RBFOX1: variants seen among roughly 807,000 people sequenced by gnomAD.
RBFOX1 encodes the protein RNA binding fox-1 homolog 1.
RBFOX1 carries 8 observed loss-of-function variants against 57.7 expected under a neutral mutation model. The observed-to-expected ratio is 0.14, with a 90% CI of 0.08 to 0.25. The LOEUF is 0.25. Among genes scored for constraint, RBFOX1 ranks in the 10% least tolerant of loss-of-function variants. The probability of loss-of-function intolerance (pLI) is 1.00; values close to 1 mark genes in which losing one functional copy is unlikely to be tolerated. For missense variants in RBFOX1, 611 were observed against 548.5 expected, an observed-to-expected ratio of 1.11 and a Z score of -1.14; for synonymous variants, 326 against 222.4, an observed-to-expected ratio of 1.47 and a Z score of -4.15.
intron 4 of RBFOX1, among the ~76,000 whole-genome samples, chr16:5,989,987 C>G (rs1443471346): frequency 1.3e-5 from 2 of 151,906 alleles, no homozygotes; most frequent in Non-Finnish European, 2.9e-5. Context: ...CTCCTCACAC[C>G]AGCCTTTTTG....
intron 4 of RBFOX1, among the ~76,000 whole-genome samples, chr16:7,178,177 C>G (rs535178125): frequency 7.9e-5 from 12 of 152,352 alleles, no homozygotes; most frequent in African/African-American, 2.9e-4. Flanking sequence ...CTTGCTCATG[C>G]AAAGCCCACC....
intron 1 of RBFOX1, among the ~76,000 whole-genome samples, chr16:5,265,605 G>T (rs1567253555): frequency 6.6e-6 from 1 of 152,188 alleles, no homozygotes; most frequent in Non-Finnish European, 1.5e-5. Flanking sequence ...TAGCTCAGGA[G>T]GTAGAGCTTG....
chr16:6,782,562 C>G (rs118130248), intron 3 of RBFOX1, among the ~76,000 whole-genome samples: 139 of 152,002 alleles, frequency 9.1e-4, no homozygotes, highest in Middle Eastern at 3.4e-3. Context: ...TTATTGATTT[C>G]TAGTTTCATT....
intron 4 of RBFOX1, among the ~76,000 whole-genome samples, chr16:5,936,443 T>C (rs568079187): frequency 6.6e-6 from 1 of 152,184 alleles, no homozygotes; most frequent in Admixed American, 6.5e-5. Context: ...GAATTTTGTT[T>C]GGAAAAATAG....
At chr16:7,398,310 T>C (rs2098176512) in intron 4 of RBFOX1, among the ~76,000 whole-genome samples, 1 of 152,240 alleles carries the variant, frequency 6.6e-6, no homozygotes, top group African/African-American at 2.4e-5. Context: ...TGCTTAAGTT[T>C]GCTGGACCTC....
chr16:5,386,540 T>A (rs942726323), intron 1 of RBFOX1, among the ~76,000 whole-genome samples: 11 of 152,162 alleles, frequency 7.2e-5, no homozygotes, highest in Non-Finnish European at 1.5e-4. Flanking sequence ...ACTCTTTGCA[T>A]TCAGACGTTA....
In RBFOX1 at chr16:6,123,827, C is replaced by T. The variant is rs536098965; in HGVS notation, c.-127+103835C>T. On this transcript the variant is annotated intron_variant, in intron 1 of 15. Transcript: ENST00000550418. ...GGCTGAGGTCCAGGGATGTCTTGAC[C>T]CTGGGAAGTGGAGGTTGCAGTGAGC... is the stretch of plus-strand genomic sequence containing the variant. 7.9e-5 allele frequency among the ~76,000 whole-genome samples: 12 copies of T among 152,150 alleles called. No individual in the cohort carries two copies. The South Asian group carries it at 1.2e-3, about 16-fold the overall frequency.
At chr16:5,736,562 G>A (rs932829396) in intron 3 of RBFOX1, among the ~76,000 whole-genome samples, 14 of 152,096 alleles carry the variant, frequency 9.2e-5, no homozygotes, top group African/African-American at 3.1e-4. Context: ...GCCCGGATCG[G>A]GGTCATTTGA....
At position 6,321,961 on chromosome 16, in the gene RBFOX1, G is replaced by C. The variant is rs1312831770; in HGVS notation, c.-64+4904G>C. On this transcript the variant is annotated intron_variant, in intron 2 of 15. Transcript: ENST00000550418. ...CACTCATTTCTTTCTGTCACTTAAG[G>C]CTCCCAATGCATAACACTTGAAATC... is the stretch of plus-strand genomic sequence containing the variant. Among the ~76,000 whole-genome samples the C allele has an allele frequency of 6.6e-5, 10 of 152,026 alleles. No homozygotes were observed. In the East Asian group the frequency reaches 1.9e-3, roughly 29 times the overall value.
At chr16:7,116,743 G>T (rs925589987) in intron 4 of RBFOX1, among the ~76,000 whole-genome samples, 2 of 152,136 alleles carry the variant, frequency 1.3e-5, no homozygotes, top group African/African-American at 4.8e-5. Context: ...GGAGATGTCC[G>T]ACCTGCATTT....
rs147819556 is a variant in RBFOX1 at position 6,441,891 on chromosome 16, C to G, written c.-64+124834C>G. 2.1e-3 allele frequency among the ~76,000 whole-genome samples: 314 copies of G among 152,264 alleles called. 3 individuals carry two copies. The highest frequency in any genetic ancestry group is 7.1e-3 in the African/African-American group (295 of 41,566). ...TTGAATTGGATGCTTATCTCTGACT[C>G]AGGCAGCAGTGGTCAGCGTGGCGGG... On this transcript the variant is annotated intron_variant, in intron 2 of 15. Coordinates refer to ENST00000550418, the MANE Select transcript of RBFOX1 (RefSeq NM_018723.4).
intron 2 of RBFOX1, among the ~76,000 whole-genome samples, chr16:6,618,303 C>G (rs2098173016): frequency 2.0e-5 from 3 of 152,190 alleles, no homozygotes; most frequent in East Asian, 1.9e-4. Flanking sequence ...TAATAGATGA[C>G]ATTGACTGAA....
chr16:6,296,541 C>T (rs1021861865), intron 1 of RBFOX1, among the ~76,000 whole-genome samples: 5 of 152,078 alleles, frequency 3.3e-5, no homozygotes, highest in African/African-American at 1.2e-4. Flanking sequence ...CTGCCTCAGC[C>T]TCCCGTGTAG....
intron 4 of RBFOX1, among the ~76,000 whole-genome samples, chr16:7,418,030 G>C (rs913953150): frequency 6.6e-6 from 1 of 152,050 alleles, no homozygotes; most frequent in Non-Finnish European, 1.5e-5. Flanking sequence ...GTCCTCTATA[G>C]ATTTTCAGAT....
chr16:6,469,609 C>A (rs138630875), intron 2 of RBFOX1, among the ~76,000 whole-genome samples: 5 of 152,346 alleles, frequency 3.3e-5, no homozygotes, highest in Non-Finnish European at 7.3e-5. Context: ...CTGTGTTAGG[C>A]TTGCTCACTG....
At chr16:6,966,091 G>C (rs892586508) in intron 3 of RBFOX1, among the ~76,000 whole-genome samples, 2 of 152,082 alleles carry the variant, frequency 1.3e-5, no homozygotes, top group Non-Finnish European at 2.9e-5. Flanking sequence ...ACTCTATCAC[G>C]GGGTTCTCAA....
intron 4 of RBFOX1, among the ~76,000 whole-genome samples, chr16:7,235,130 C>T (rs895204084): frequency 3.3e-5 from 5 of 152,152 alleles, no homozygotes; most frequent in African/African-American, 7.2e-5. Flanking sequence ...ATCTACACAT[C>T]GGTAGTAGTC....
At chr16:6,423,037 A>C (rs936826905) in intron 2 of RBFOX1, among the ~76,000 whole-genome samples, 2 of 152,004 alleles carry the variant, frequency 1.3e-5, no homozygotes, top group African/African-American at 4.8e-5. Context: ...TATGTACTAC[A>C]TTTTCTTTAT....
chr16:7,551,101 AAAAAG>A (rs1172859040), intron 5 of RBFOX1, among the ~76,000 whole-genome samples: 1 of 151,472 alleles, frequency 6.6e-6, no homozygotes, highest in East Asian at 1.9e-4. Context: ...AAAAAAAAAA[AAAAAG>A]AAAAAAAAAG....
Sources: gnomAD v4.1 joint callset for allele counts (sites outside exome capture counted in the v4.1 genomes callset) on GRCh38, gnomAD v4.1.1 for gene constraint, MANE v1.5 for transcripts, NCBI Gene and HGNC (gene_info 2026-07-23, HGNC 2026-07-21) for gene names.